The following OR52K2 variants were observed in gnomAD, a reference collection of about 807,000 sequenced individuals.
OR52K2 encodes olfactory receptor 52K2.
In OR52K2, 10 loss-of-function variants were observed where a neutral mutation model predicts 11.4. The ratio of observed to expected loss-of-function variants is 0.88; its 90% CI spans 0.54 to 1.49. The LOEUF is 1.49. Ranked by LOEUF, OR52K2 falls within the 40% of genes most tolerant of loss-of-function variation. The pLI is 0.00. For synonymous variants in OR52K2, 199 were observed against 151.9 expected (o/e 1.31, Z -2.28); for missense variants, 465 against 393.3 (o/e 1.18, Z -1.54).
Position 4,450,063 on chromosome 11 carries a change from A to G in OR52K2, c.724A>G (p.Thr242Ala). 1 of 1,614,128 alleles carries G rather than the reference A, an allele frequency of 6.2e-7. No individual in the cohort carries two copies. The highest frequency in any genetic ancestry group is 1.3e-5 in the African/African-American group (1 of 75,034). ...SQEARYKAFG[T>A]CVSHIGAILA... ...GGAGGCCCGCTACAAGGCATTTGGG[A>G]CATGTGTCTCTCATATAGGTGCCAT... The change falls in exon 1 of 1, where the codon ACA (threonine) becomes GCA (alanine). Residue 242 changes from threonine (T) to alanine (A), a missense_variant. Physicochemically the swap from Thr to Ala is moderately conservative, Grantham distance 58. Coordinates refer to ENST00000325719, the MANE Select transcript of OR52K2 (RefSeq NM_001005172.2).
Position 4,450,170 on chromosome 11 carries a change from C to T in OR52K2, c.831C>T (p.Leu277=), listed in dbSNP as rs745357929. Residue 277 remains leucine, a synonymous_variant, in exon 1 of 1, where the codon CTC becomes CTT. Transcript: ENST00000325719. ...ATGCTGCCCCTCATGTCCACATCCT[C>T]CTTGCCAATTTCTATCTGCTCTTCC... The part of the protein sequence containing the change: ...ARHAAPHVHI[L]LANFYLLFPP... The T allele has an allele frequency of 5.0e-6, 8 of 1,614,092 alleles. 1 individual carries two copies. In the Admixed American group the frequency reaches 5.0e-5, roughly 10 times the overall value.
In OR52K2 at chr11:4,450,032, C is replaced by G. The variant is rs771838750; in HGVS notation, c.693C>G (p.Ala231=). 6.2e-7 allele frequency: 1 copy of G among 1,614,126 alleles called. No homozygotes were observed. Among genetic ancestry groups the G allele is most frequent in the Middle Eastern group, 1.6e-4 (1 of 6,062 alleles). The change falls in exon 1 of 1, where the codon GCC becomes GCG. Residue 231 remains alanine, a synonymous_variant. Transcript: ENST00000325719. ...TTCTTCAGGCAGTTCTACTGCTTGC[C>G]TCTCAGGAGGCCCGCTACAAGGCAT... is the stretch of plus-strand genomic sequence containing the variant. The part of the protein sequence containing the change: ...IFILQAVLLL[A]SQEARYKAFG...
chr11:4,450,025 T>A lies in OR52K2; in HGVS notation c.686T>A (p.Leu229Gln), dbSNP rs184725438. The change falls in exon 1 of 1, where the codon CTG becomes CAG. Residue 229 changes from leucine (L) to glutamine (Q), a missense_variant. By Grantham distance (113) the Leu-to-Gln change is moderately radical (BLOSUM62 -2). Coordinates refer to ENST00000325719, the MANE Select transcript of OR52K2 (RefSeq NM_001005172.2). The stretch of plus-strand genomic sequence containing the variant: ...ATCTTTATTCTTCAGGCAGTTCTAC[T>A]GCTTGCCTCTCAGGAGGCCCGCTAC... ...SYIFILQAVL[L>Q]LASQEARYKA... 116 of 1,614,194 alleles carry A rather than the reference T, an allele frequency of 7.2e-5. 1 individual carries two copies. The Admixed American group carries it at 1.4e-3, about 20-fold the overall frequency.
In OR52K2 at chr11:4,449,818, C is replaced by G; in HGVS notation, c.479C>G (p.Pro160Arg). 1.2e-6 allele frequency: 2 copies of G among 1,614,080 alleles called. No homozygotes were observed. The highest frequency in any genetic ancestry group is 1.7e-6 in the Non-Finnish European group (2 of 1,180,018). The change falls in exon 1 of 1, where the codon CCA becomes CGA. Residue 160 changes from proline (P) to arginine (R), a missense_variant. Physicochemically the swap from Pro to Arg is moderately radical, Grantham distance 103. Transcript: ENST00000325719. ...GCCCGGGCTGTGACACTAATGACTC[C>G]ACTCCCCTTCCTGCTGAGATGTTTC... ...AVARAVTLMT[P>R]LPFLLRCFHY...
rs778462663 is a variant in OR52K2, at chr11:4,449,712, T to C, written c.373T>C (p.Tyr125His). Residue 125 changes from tyrosine (Y) to histidine (H), a missense_variant, in exon 1 of 1, where the codon TAT (tyrosine) becomes CAT (histidine). Transcript: ENST00000325719. ...GCTGCTGGCCATGGCCTTTGACCGCTATGTGGCTATCTGCAAGCCACTGCA... is the reference window on the plus strand; with the variant it reads ...GCTGCTGGCCATGGCCTTTGACCGCCATGTGGCTATCTGCAAGCCACTGCA... Reference protein sequence around the residue: ...AVLLAMAFDRYVAICKPLHYT... With the variant: ...AVLLAMAFDRHVAICKPLHYT... The C allele has an allele frequency of 1.9e-6, 3 of 1,614,072 alleles. No individual in the cohort carries two copies. Among genetic ancestry groups the C allele is most frequent in the Admixed American group, 3.3e-5 (2 of 60,004 alleles).
rs138279811 is a variant in OR52K2 at position 4,449,760 on chromosome 11, T to C, written c.421T>C (p.Ser141Pro). 788 of 1,614,122 alleles carry C rather than the reference T, an allele frequency of 4.9e-4. 3 individuals carry two copies. In the African/African-American group the frequency reaches 9.4e-3, roughly 19 times the overall value. The stretch of plus-strand genomic sequence containing the variant: ...GCACTACACCAAGGTCCTGACTGGG[T>C]CCCTCATCACCAAGATTGGCATGGC... ...PLHYTKVLTGSLITKIGMAAV... is the reference protein window; with the variant it reads ...PLHYTKVLTGPLITKIGMAAV... The change falls in exon 1 of 1, where the codon TCC (serine) becomes CCC (proline). Residue 141 changes from serine (S) to proline (P), a missense_variant. Transcript: ENST00000325719.
In OR52K2 at chr11:4,449,729, G is replaced by A. The variant is rs746325024; in HGVS notation, c.390G>A (p.Lys130=). 8 of 1,614,014 alleles carry A rather than the reference G, an allele frequency of 5.0e-6. No individual in the cohort carries two copies. In the East Asian group the frequency reaches 1.3e-4, roughly 27 times the overall value. ...MAFDRYVAIC[K]PLHYTKVLTG... ...TTGACCGCTATGTGGCTATCTGCAA[G>A]CCACTGCACTACACCAAGGTCCTGA... Residue 130 remains lysine, a synonymous_variant, in exon 1 of 1, where the codon AAG becomes AAA. Transcript: ENST00000325719.
At position 4,449,956 on chromosome 11, in the gene OR52K2, T is replaced by C. The variant is rs749011230; in HGVS notation, c.617T>C (p.Met206Thr). 3.0e-5 allele frequency: 48 copies of C among 1,614,040 alleles called. No homozygotes were observed. The Admixed American group carries it at 8.0e-4, about 27-fold the overall frequency. The change falls in exon 1 of 1, where the codon ATG becomes ACG. Residue 206 changes from methionine (M) to threonine (T), a missense_variant. Met to Thr is a moderately conservative substitution (Grantham distance 81). Transcript: ENST00000325719. The stretch of plus-strand genomic sequence containing the variant: ...AATATCTATGGCATCGCTGTGGCCA[T>C]GTTTATTGTGGTGTTGGACCTGCTC... ...FNNIYGIAVA[M>T]FIVVLDLLLV...
Position 4,449,778 on chromosome 11 carries a change from G to T in OR52K2, c.439G>T (p.Gly147Cys), listed in dbSNP as rs777095162. 6.2e-7 allele frequency: 1 copy of T among 1,614,078 alleles called. No individual in the cohort carries two copies. The highest frequency in any genetic ancestry group is 8.5e-7 in the Non-Finnish European group (1 of 1,180,016). The change falls in exon 1 of 1, where the codon GGC becomes TGC. Residue 147 changes from glycine (G) to cysteine (C), a missense_variant. Gly to Cys is a radical substitution (Grantham distance 159). Transcript: ENST00000325719. ...VLTGSLITKI[G>C]MAAVARAVTL... The stretch of plus-strand genomic sequence containing the variant: ...GACTGGGTCCCTCATCACCAAGATT[G>T]GCATGGCTGCTGTGGCCCGGGCTGT...
Position 4,449,314 on chromosome 11 carries a change from A to G in OR52K2, c.-26A>G, listed in dbSNP as rs1233055553. ...CTGGAAGGGCCCTGTGGAAGCAGAT[A>G]AGGAGGAAGAGAATTCCCAGGAGCC... is the stretch of plus-strand genomic sequence containing the variant. On this transcript the variant is annotated 5_prime_UTR_variant, in exon 1 of 1. The change creates a new upstream start codon in the 5' untranslated region. Coordinates refer to ENST00000325719, the MANE Select transcript of OR52K2 (RefSeq NM_001005172.2). 7.7e-6 allele frequency: 11 copies of G among 1,433,808 alleles called. No homozygotes were observed. In the East Asian group the frequency reaches 1.6e-4, roughly 21 times the overall value. 88.8% of individuals were successfully genotyped at this position (1,433,808 alleles called of 1,614,324 possible). A position where few individuals can be genotyped will look rare whatever the true frequency, so the allele number is the denominator to read the frequency against.
In OR52K2 at chr11:4,450,225, G is replaced by T; in HGVS notation, c.886G>T (p.Val296Phe). 6.2e-7 allele frequency: 1 copy of T among 1,614,002 alleles called. No homozygotes were observed. ...CATGGTCAATCCCATAATCTATGGTGTCAAGACCAAGCAAATCCGTGAGAG... is the reference window on the plus strand; with the variant it reads ...CATGGTCAATCCCATAATCTATGGTTTCAAGACCAAGCAAATCCGTGAGAG... ...PPMVNPIIYG[V>F]KTKQIRESIL... is the part of the protein sequence containing the mutation. The change falls in exon 1 of 1, where the codon GTC becomes TTC. Residue 296 changes from valine (V) to phenylalanine (F), a missense_variant. By Grantham distance (50) the Val-to-Phe change is conservative. Transcript: ENST00000325719.
chr11:4,449,459 C>T lies in OR52K2; in HGVS notation c.120C>T (p.Ala40=). The change falls in exon 1 of 1, where the codon GCC becomes GCT. Residue 40 remains alanine, a synonymous_variant. Transcript: ENST00000325719. The part of the protein sequence containing the change: ...SIPFCLAYTL[A]LLGNCTLLLI... ...CTTTCTGCTTAGCATATACACTGGC[C>T]CTGCTTGGAAACTGCACTCTCCTTC... 1 of 1,603,082 alleles carries T rather than the reference C, an allele frequency of 6.2e-7. No individual in the cohort carries two copies.
Position 4,449,366 on chromosome 11 carries a change from A to G in OR52K2, c.27A>G (p.Thr9=), listed in dbSNP as rs756270569. The change falls in exon 1 of 1, where the codon ACA becomes ACG. Residue 9 remains threonine (T), a synonymous_variant. Coordinates refer to ENST00000325719, the MANE Select transcript of OR52K2 (RefSeq NM_001005172.2). ...TGTCAGCCTCCAATATCACCTTAAC[A>G]CATCCAACTGCCTTCTTGTTGGTGG... The part of the protein sequence containing the change: MSASNITL[T]HPTAFLLVGI... 7.2e-6 allele frequency: 11 copies of G among 1,527,630 alleles called. No homozygotes were observed. Among genetic ancestry groups the G allele is most frequent in the Non-Finnish European group, 9.6e-6 (11 of 1,140,150 alleles). 94.6% of individuals were successfully genotyped at this position (1,527,630 alleles called of 1,614,324 possible). A position where few individuals can be genotyped will look rare whatever the true frequency, so the allele number is the denominator to read the frequency against.
chr11:4,450,288 G>T lies in OR52K2; in HGVS notation c.*4G>T. The T allele has an allele frequency of 6.3e-7, 1 of 1,595,524 alleles. No individual in the cohort carries two copies. Among genetic ancestry groups the T allele is most frequent in the South Asian group, 1.1e-5 (1 of 89,316 alleles). ...ATTCCCAAGAAAGGATATGTAGAGG[G>T]TGAGGTGGAGAAAGAATGGGTTGGC... On this transcript the variant is annotated 3_prime_UTR_variant, in exon 1 of 1. Transcript: ENST00000325719.
At position 4,449,957 on chromosome 11, in the gene OR52K2, GT is replaced by G. The variant is rs772834843; in HGVS notation, c.621del (p.Phe207LeufsTer41). ...NNIYGIAVAM[F>X]IVVLDLLLVI... ...ATATCTATGGCATCGCTGTGGCCAT[GT>G]TTATTGTGGTGTTGGACCTGCTCCT... is the stretch of plus-strand genomic sequence containing the variant. On this transcript the variant is annotated frameshift_variant, in exon 1 of 1. Coordinates refer to ENST00000325719, the MANE Select transcript of OR52K2 (RefSeq NM_001005172.2). LOFTEE classifies it high-confidence loss of function. 6 of 1,614,088 alleles carry G rather than the reference GT, an allele frequency of 3.7e-6. No individual in the cohort carries two copies. The African/African-American group carries it at 8.0e-5, about 22-fold the overall frequency.
Position 4,449,996 on chromosome 11 carries a change from T to A in OR52K2, c.657T>A (p.Ser219=). 6.2e-7 allele frequency: 1 copy of A among 1,614,174 alleles called. No individual in the cohort carries two copies. Among genetic ancestry groups the A allele is most frequent in the Non-Finnish European group, 8.5e-7 (1 of 1,180,034 alleles). Residue 219 remains serine (S), a synonymous_variant, in exon 1 of 1, where the codon TCT becomes TCA. Coordinates refer to ENST00000325719, the MANE Select transcript of OR52K2 (RefSeq NM_001005172.2). ...TGGACCTGCTCCTTGTTATCCTGTC[T>A]TATATCTTTATTCTTCAGGCAGTTC... The part of the protein sequence containing the change: ...VVLDLLLVIL[S]YIFILQAVLL...
Position 4,450,147 on chromosome 11 carries a change from G to A in OR52K2, c.808G>A (p.Ala270Thr), listed in dbSNP as rs765191770. The A allele has an allele frequency of 6.2e-7, 1 of 1,614,104 alleles. No individual in the cohort carries two copies. The highest frequency in any genetic ancestry group is 8.5e-7 in the Non-Finnish European group (1 of 1,180,032). Residue 270 changes from alanine (A) to threonine (T), a missense_variant, in exon 1 of 1, where the codon GCT (alanine) becomes ACT (threonine). Coordinates refer to ENST00000325719, the MANE Select transcript of OR52K2 (RefSeq NM_001005172.2). ...SSVMHRVARHAAPHVHILLAN... is the reference protein window; with the variant it reads ...SSVMHRVARHTAPHVHILLAN... The stretch of plus-strand genomic sequence containing the variant: ...AGTCATGCACCGTGTAGCCCGCCAT[G>A]CTGCCCCTCATGTCCACATCCTCCT...
chr11:4,450,265 T>C lies in OR52K2; in HGVS notation c.926T>C (p.Phe309Ser). Residue 309 changes from phenylalanine (F) to serine (S), a missense_variant, in exon 1 of 1, where the codon TTC (phenylalanine) becomes TCC (serine). Phe to Ser is a radical substitution (Grantham distance 155). Coordinates refer to ENST00000325719, the MANE Select transcript of OR52K2 (RefSeq NM_001005172.2). ...KQIRESILGV[F>S]PRKDM ...ATCCGTGAGAGCATCTTGGGAGTAT[T>C]CCCAAGAAAGGATATGTAGAGGGTG... The C allele has an allele frequency of 6.2e-7, 1 of 1,612,360 alleles. No individual in the cohort carries two copies. Among genetic ancestry groups the C allele is most frequent in the South Asian group, 1.1e-5 (1 of 90,900 alleles).
chr11:4,450,127 T>G lies in OR52K2; in HGVS notation c.788T>G (p.Met263Arg), dbSNP rs763433412. The change falls in exon 1 of 1, where the codon ATG becomes AGG. Residue 263 changes from methionine to arginine, a missense_variant. Coordinates refer to ENST00000325719, the MANE Select transcript of OR52K2 (RefSeq NM_001005172.2). ...FYTTVVISSVMHRVARHAAPH... is the reference protein window; with the variant it reads ...FYTTVVISSVRHRVARHAAPH... ...ACAACTGTGGTCATCTCTTCAGTCA[T>G]GCACCGTGTAGCCCGCCATGCTGCC... 50 of 1,614,098 alleles carry G rather than the reference T, an allele frequency of 3.1e-5. No individual in the cohort carries two copies. The South Asian group carries it at 5.3e-4, about 17-fold the overall frequency.
Sources: allele counts gnomAD v4.1 joint callset, GRCh38; gene constraint gnomAD v4.1.1; transcripts MANE v1.5; gene names NCBI Gene and HGNC (gene_info 2026-07-23, HGNC 2026-07-21).